The following PPP2R5C variants were observed in gnomAD, a reference collection of about 807,000 sequenced individuals.
PPP2R5C encodes serine/threonine-protein phosphatase 2A 56 kDa regulatory subunit gamma isoform.
Under a neutral mutation model 68.9 loss-of-function variants are expected in PPP2R5C, and 7 were observed. The observed-to-expected ratio is 0.10, with a 90% confidence interval of 0.06 to 0.19. The LOEUF (loss-of-function observed/expected upper bound fraction) is 0.19. PPP2R5C is among the 10% of genes least tolerant of loss of function. PPP2R5C has a pLI of 1.00. For missense variants in PPP2R5C, 348 were observed against 641.3 expected (o/e 0.54, Z 4.94); for synonymous variants, 210 against 222.2 (o/e 0.95, Z 0.49).
chr14:101,823,834 G>T, intron 1 of PPP2R5C: 1 of 1,194,106 alleles, frequency 8.4e-7, no homozygotes, highest in South Asian at 1.5e-5. Context: ...GGTACTTTCT[G>T]CTCTCAGCTT....
chr14:101,852,469 C>CTTTTTTTTTTTTTTTTTTTTTTTTTT (rs559509845), intron 1 of PPP2R5C, among the ~76,000 whole-genome samples: 6 of 115,106 alleles, frequency 5.2e-5, no homozygotes, highest in African/African-American at 2.0e-4. Flanking sequence ...TTTTCTTTTT[C>CTTTTTTTTTTTTTTTTTTTTTTTTTT]TTTTTTTTTT....
chr14:101,824,025 A>G (rs1000378600), intron 1 of PPP2R5C: 1 of 1,289,194 alleles, frequency 7.8e-7, no homozygotes. Context: ...CACAGTGCCC[A>G]CTTGTTCCGT....
rs184077887 is a variant in PPP2R5C, at chr14:101,886,154, A to G, written c.629+2592A>G. Among the ~76,000 whole-genome samples, 595 of 152,004 alleles carry G rather than the reference A, an allele frequency of 3.9e-3. 2 individuals carry two copies. The highest frequency in any genetic ancestry group is 0.014 in the African/African-American group (571 of 41,480). On this transcript the variant is annotated intron_variant, in intron 5 of 13. Transcript: ENST00000334743. The stretch of plus-strand genomic sequence containing the variant: ...AAATTAGCCGGGCGTGGTGGCGGGC[A>G]CCTGTAGTCCCAGCTACTCGGGAGG...
At chr14:101,806,472 G>A (rs1384605217), upstream of PPP2R5C, among the ~76,000 whole-genome samples, 3 of 152,122 alleles carry the variant, frequency 2.0e-5, no homozygotes, top group Non-Finnish European at 2.9e-5. Flanking sequence ...GTATTCCATG[G>A]TACATATGTG....
chr14:101,761,802 C>CGGCGGCGGT, upstream of PPP2R5C: 1 of 946,280 alleles, frequency 1.1e-6, no homozygotes, highest in Non-Finnish European at 1.2e-6. Flanking sequence ...GCGGCGGCGG[C>CGGCGGCGGT]CGCGGGGGCG....
At chr14:101,914,391 T>C (rs2046549206) in intron 12 of PPP2R5C, 2 of 261,906 alleles carry the variant, frequency 7.6e-6, no homozygotes, top group Admixed American at 5.1e-5. Flanking sequence ...TGCTTCTCAT[T>C]CTCAGGAGAA....
chr14:101,838,313 T>C (rs2041247955), intron 1 of PPP2R5C, among the ~76,000 whole-genome samples: 1 of 152,164 alleles, frequency 6.6e-6, no homozygotes, highest in Non-Finnish European at 1.5e-5. Context: ...CGAAGGAAGG[T>C]GAATGCAAGC....
intron 5 of PPP2R5C, among the ~76,000 whole-genome samples, chr14:101,887,420 T>G (rs1387128793): frequency 2.0e-5 from 3 of 152,194 alleles, no homozygotes; most frequent in African/African-American, 4.8e-5. Flanking sequence ...CACACCATCC[T>G]GGAGCCAGGA....
chr14:101,805,721 C>A (rs1345940666), upstream of PPP2R5C, among the ~76,000 whole-genome samples: 1 of 152,180 alleles, frequency 6.6e-6, no homozygotes, highest in African/African-American at 2.4e-5. Flanking sequence ...TCATTCAGCC[C>A]TTTGAAGGTA....
intron 2 of PPP2R5C, among the ~76,000 whole-genome samples, chr14:101,778,426 GTTTTC>G (rs2037524514): frequency 1.3e-5 from 2 of 152,188 alleles, no homozygotes; most frequent in South Asian, 4.1e-4. Context: ...TGGTTTATCT[GTTTTC>G]TTTTTAGTTG....
chr14:101,807,355 C>T (rs2140168408), upstream of PPP2R5C, among the ~76,000 whole-genome samples: 1 of 152,192 alleles, frequency 6.6e-6, no homozygotes, highest in African/African-American at 2.4e-5. Flanking sequence ...GCCTTTTTTG[C>T]CCCATCACAC....
In PPP2R5C at chr14:101,882,969, C is replaced by G. The variant is rs1467797070; in HGVS notation, c.406-288C>G. ...TGGGTCATGGCTTGGTTTGTGGCAT[C>G]TGTGCCCTGTAGTCCCTGAACAGTG... On this transcript the variant is annotated intron_variant, in intron 3 of 13. Coordinates refer to ENST00000334743, the Ensembl canonical transcript of PPP2R5C. This position sits in a 1 kb window ranked among gnomAD's most constrained non-coding sequence, Gnocchi z 4.9. 3.5e-6 allele frequency: 1 copy of G among 282,900 alleles called. No individual in the cohort carries two copies. The highest frequency in any genetic ancestry group is 2.3e-5 in the African/African-American group (1 of 44,080). 17.5% of individuals were successfully genotyped at this position (282,900 alleles called of 1,614,324 possible). A position where few individuals can be genotyped will look rare whatever the true frequency, so the allele number is the denominator to read the frequency against.
chr14:101,885,057 C>G (rs758124212), intron 5 of PPP2R5C, among the ~76,000 whole-genome samples: 4 of 152,228 alleles, frequency 2.6e-5, no homozygotes, highest in African/African-American at 9.6e-5. Flanking sequence ...GTGACACATC[C>G]TGGTGATGGT....
exon 14 of PPP2R5C, chr14:101,926,325 AGGATGACGTTTAGT>A (rs1321047537): frequency 6.6e-6 from 1 of 152,660 alleles, no homozygotes; most frequent in Non-Finnish European, 1.5e-5. Context: ...GGCACCAGCG[AGGATGACGTTTAGT>A]GGAGCTCTTT....
At chr14:101,920,701 A>G (rs2046953324) in intron 13 of PPP2R5C, among the ~76,000 whole-genome samples, 1 of 152,258 alleles carries the variant, frequency 6.6e-6, no homozygotes, top group South Asian at 2.1e-4. Flanking sequence ...AGAGTAGCCA[A>G]AACAACTGTG....
chr14:101,805,521 C>T (rs995755145), upstream of PPP2R5C, among the ~76,000 whole-genome samples: 3 of 152,134 alleles, frequency 2.0e-5, no homozygotes, highest in South Asian at 4.1e-4. Context: ...AAAAATAGAA[C>T]TGCCATATGA....
chr14:101,900,909 C>T (rs1212252652), intron 8 of PPP2R5C, among the ~76,000 whole-genome samples: 1 of 152,252 alleles, frequency 6.6e-6, no homozygotes, highest in African/African-American at 2.4e-5. Context: ...CCCAGCACTG[C>T]TCAGGCTGTT....
At chr14:101,817,207 C>T (rs2039774893) in intron 1 of PPP2R5C, among the ~76,000 whole-genome samples, 3 of 151,948 alleles carry the variant, frequency 2.0e-5, no homozygotes, top group Admixed American at 2.0e-4. Flanking sequence ...CCACCCGCCT[C>T]GGCCTCCCAA....
At chr14:101,878,880 G>A (rs1022395145) in intron 2 of PPP2R5C, among the ~76,000 whole-genome samples, 7 of 152,230 alleles carry the variant, frequency 4.6e-5, no homozygotes, top group Admixed American at 6.5e-5. Context: ...TGGCCTAGCC[G>A]GGTTGACACA....
Sources: allele counts gnomAD v4.1 joint callset (sites outside exome capture counted in the v4.1 genomes callset), GRCh38; gene constraint gnomAD v4.1.1; non-coding constraint Gnocchi (gnomAD v3.1); transcripts MANE v1.5; gene names NCBI Gene and HGNC (gene_info 2026-07-23, HGNC 2026-07-21).